Variants in STRN4 observed in about 807,000 individuals in gnomAD.
STRN4 encodes striatin-4.
In STRN4, 27 loss-of-function variants were observed where a neutral mutation model predicts 77.9. The ratio of observed to expected loss-of-function variants is 0.35; its 90% confidence interval spans 0.26 to 0.48. The LOEUF is 0.48. Among genes scored for constraint, STRN4 ranks in the 20% least tolerant of loss-of-function variants. STRN4 has a pLI of 0.99. For missense variants in STRN4, 798 were observed against 1,049.7 expected, an observed-to-expected ratio of 0.76 and a Z score of 3.31; for synonymous variants, 466 against 443.1, an observed-to-expected ratio of 1.05 and a Z score of -0.65.
intron 1 of STRN4, among the ~76,000 whole-genome samples, chr19:46,743,248 A>ACACT (rs1043854270): frequency 6.6e-6 from 1 of 152,224 alleles, no homozygotes; most frequent in East Asian, 1.9e-4. Context: ...GTGTATACAC[A>ACACT]CACTCACACA....
intron 1 of STRN4, among the ~76,000 whole-genome samples, chr19:46,744,166 G>T (rs2054526738): frequency 6.6e-6 from 1 of 152,174 alleles, no homozygotes; most frequent in Non-Finnish European, 1.5e-5. Flanking sequence ...AGCTGGTACC[G>T]TTATTGCTGA....
Position 46,721,864 on chromosome 19 carries a change from G to A in STRN4, c.2092+122C>T, listed in dbSNP as rs143373845. ...CCCTATGGTCACCACGGTCATTCCC[G>A]CCCAGACCAGCCTCCCCCAGCCCTG... is the stretch of plus-strand genomic sequence containing the variant. On this transcript the variant is annotated intron_variant, in intron 16 of 17. Transcript: ENST00000263280. 8.9e-4 allele frequency: 933 copies of A among 1,045,882 alleles called. 7 individuals are homozygous for A. The African/African-American group carries it at 0.012, about 14-fold the overall frequency. 64.8% of individuals were successfully genotyped at this position (1,045,882 alleles called of 1,614,324 possible). A position where few individuals can be genotyped will look rare whatever the true frequency, so the allele number is the denominator to read the frequency against.
rs949521041 is a variant in STRN4, at chr19:46,722,898, G to A, written c.1818C>T (p.Ile606=). Residue 606 remains isoleucine, a synonymous_variant, in exon 14 of 18, where the codon ATC becomes ATT. Transcript: ENST00000263280. ...TGTCGCCAGAGCGGAAGGAGGCCAC[G>A]ATGTGGGCAGGCTCGGTGCTGGTGA... ...VAFTSTEPAH[I]VASFRSGDTV... 2 of 1,614,034 alleles carry A rather than the reference G, an allele frequency of 1.2e-6. No individual in the cohort carries two copies. Among genetic ancestry groups the A allele is most frequent in the South Asian group, 1.1e-5 (1 of 91,088 alleles).
In STRN4 at chr19:46,734,086, G is replaced by A. The variant is rs1008669165; in HGVS notation, c.540-850C>T. On this transcript the variant is annotated intron_variant, in intron 4 of 17. Transcript: ENST00000263280. ...CATGTACGTCTCATCCTGTGCGCCT[G>A]TGTGTGTCTGAGGCTCCTATCTCCC... Among the ~76,000 whole-genome samples, 10 of 152,196 alleles carry A rather than the reference G, an allele frequency of 6.6e-5. No individual in the cohort carries two copies. The South Asian group carries it at 1.4e-3, about 22-fold the overall frequency.
At chr19:46,724,274 A>AAAAAAAAAAAAAAT (rs2054053143) in intron 12 of STRN4, among the ~76,000 whole-genome samples, 1 of 146,918 alleles carries the variant, frequency 6.8e-6, no homozygotes, top group Non-Finnish European at 1.5e-5. Context: ...AAAAAAAAAA[A>AAAAAAAAAAAAAAT]AGGCAGAGAA....
chr19:46,734,101 T>G (rs1460774211), intron 4 of STRN4, among the ~76,000 whole-genome samples: 2 of 152,164 alleles, frequency 1.3e-5, no homozygotes, highest in Non-Finnish European at 2.9e-5. Flanking sequence ...TGTCTGAGGC[T>G]CCTATCTCCC....
chr19:46,733,072 AG>A lies in STRN4; in HGVS notation c.703del (p.Leu235CysfsTer3). On this transcript the variant is annotated frameshift_variant, in exon 5 of 18. Coordinates refer to ENST00000263280, the MANE Select transcript of STRN4 (RefSeq NM_013403.3). LOFTEE classifies it high-confidence loss of function. This position sits in a 1 kb window ranked among gnomAD's most constrained non-coding sequence, Gnocchi z 4.3. ...GPAGLSGGES[L>X]LVKQIEEQIK... ...CTGCTCCTCGATCTGTTTCACCAGC[AG>A]CGACTCCCCACCACTGAGCCCTGCA... The A allele has an allele frequency of 6.2e-7, 1 of 1,613,054 alleles. No homozygotes were observed. Among genetic ancestry groups the A allele is most frequent in the Non-Finnish European group, 8.5e-7 (1 of 1,179,338 alleles).
intron 4 of STRN4, among the ~76,000 whole-genome samples, chr19:46,734,530 C>T (rs1220196397): frequency 6.6e-6 from 1 of 152,094 alleles, no homozygotes; most frequent in Non-Finnish European, 1.5e-5. Context: ...AAGGAACTGA[C>T]CATGGAGAGT....
rs1396523508 is a variant in STRN4, at chr19:46,719,780, T to A, written c.*625A>T. The A allele has an allele frequency of 6.6e-6, 1 of 152,200 alleles. No homozygotes were observed. The highest frequency in any genetic ancestry group is 6.6e-5 in the Admixed American group (1 of 15,262). 9.4% of individuals were successfully genotyped at this position (152,200 alleles called of 1,614,324 possible). A position where few individuals can be genotyped will look rare whatever the true frequency, so the allele number is the denominator to read the frequency against. On this transcript the variant is annotated 3_prime_UTR_variant, in exon 18 of 18. Coordinates refer to ENST00000263280, the MANE Select transcript of STRN4 (RefSeq NM_013403.3). ...GGGGGACCCGAGGCCCACTCCACCC[T>A]CCATGCCCCAGGGAGGGGCACAAGA...
chr19:46,721,877 T>A, intron 16 of STRN4, 109 bp downstream of exon 16: 2 of 1,193,108 alleles, frequency 1.7e-6, no homozygotes, highest in Non-Finnish European at 2.4e-6. Context: ...CAGACCAGCC[T>A]CCCCCAGCCC....
chr19:46,727,713 G>C lies in STRN4; in HGVS notation c.1154-167C>G, dbSNP rs1280015856. ...ACAGCTGGAAAGAGACAGAGAGACA[G>C]ACAGGGCAGGACAGACAAAAAGAGA... On this transcript the variant is annotated intron_variant, in intron 8 of 17. Coordinates refer to ENST00000263280, the MANE Select transcript of STRN4 (RefSeq NM_013403.3). The C allele has an allele frequency of 5.4e-6, 4 of 734,414 alleles. No homozygotes were observed. The East Asian group carries it at 1.1e-4, about 20-fold the overall frequency. 45.5% of individuals were successfully genotyped at this position (734,414 alleles called of 1,614,324 possible). A position where few individuals can be genotyped will look rare whatever the true frequency, so the allele number is the denominator to read the frequency against.
chr19:46,727,659 G>C (rs762735809), intron 8 of STRN4, 113 bp from the exon 9 acceptor site: 1 of 866,952 alleles, frequency 1.2e-6, no homozygotes, highest in Non-Finnish European at 1.8e-6. Context: ...GCAAGAGAGA[G>C]AGACGGGGAG....
chr19:46,744,583 C>T (rs2054539125), intron 1 of STRN4, among the ~76,000 whole-genome samples: 1 of 152,048 alleles, frequency 6.6e-6, no homozygotes, highest in Non-Finnish European at 1.5e-5. Context: ...TGAGGTCTTG[C>T]TATGTTGGCC....
Position 46,738,880 on chromosome 19 carries a change from C to T in STRN4, c.291G>A (p.Val97=), listed in dbSNP as rs1253998824. ...EAERAELQAQ[V]AFLQGERKGQ... ...CTTTCCTCTCTCCCTGAAGGAAGGC[C>T]ACCTGAGCCTGGGAGGGCAGACAGG... Residue 97 remains valine (V), a synonymous_variant, in exon 2 of 18, where the codon GTG becomes GTA. Transcript: ENST00000263280. The surrounding 1 kb of genome is among the most constrained non-coding windows in gnomAD (Gnocchi z 4.5). 1.2e-6 allele frequency: 2 copies of T among 1,613,960 alleles called. No individual in the cohort carries two copies. The highest frequency in any genetic ancestry group is 3.3e-5 in the Admixed American group (2 of 60,014).
In STRN4 at chr19:46,741,373, G is replaced by C. The variant is rs931530153; in HGVS notation, c.283-2485C>G. 6.6e-6 allele frequency among the ~76,000 whole-genome samples: 1 copy of C among 152,194 alleles called. No homozygotes were observed. The highest frequency in any genetic ancestry group is 6.5e-5 in the Admixed American group (1 of 15,276). On this transcript the variant is annotated intron_variant, in intron 1 of 17. Coordinates refer to ENST00000263280, the MANE Select transcript of STRN4 (RefSeq NM_013403.3). This position sits in a 1 kb window ranked among gnomAD's most constrained non-coding sequence, Gnocchi z 4.9. The stretch of plus-strand genomic sequence containing the variant: ...GAGCTGTGGTCTCCCTCCTCCTAAT[G>C]AGGATGTGAGGGTCTCAGCTGCCCA...
chr19:46,728,300 C>T, intron 7 of STRN4: 1 of 589,648 alleles, frequency 1.7e-6, no homozygotes, highest in South Asian at 2.0e-5. Context: ...GCCCTCCCAC[C>T]TGCCTCTCCC....
chr19:46,727,572 T>C, intron 8 of STRN4, 26 bp from the exon 9 acceptor site: 1 of 1,604,846 alleles, frequency 6.2e-7, no homozygotes, highest in Non-Finnish European at 8.5e-7. Flanking sequence ...AGGAACCTGG[T>C]AGGGGGAGGG....
chr19:46,733,317 A>G lies in STRN4; in HGVS notation c.540-81T>C, dbSNP rs1027123316. 17 of 1,420,412 alleles carry G rather than the reference A, an allele frequency of 1.2e-5. No homozygotes were observed. The highest frequency in any genetic ancestry group is 4.0e-5 in the Admixed American group (2 of 50,104). The allele number at this position is 1,420,412 out of a possible 1,614,324, so 88.0% of individuals were successfully genotyped here. On this transcript the variant is annotated intron_variant, in intron 4 of 17. Transcript: ENST00000263280. The surrounding 1 kb of genome is among the most constrained non-coding windows in gnomAD (Gnocchi z 4.3). ...ACAGGGGCCAATGCAAACCGAGACA[A>G]CCTCTTAAGGGGCCACTTAAGAGCA...
In STRN4 at chr19:46,746,395, G is replaced by A. The variant is rs2054619164; in HGVS notation, c.36C>T (p.Ala12=). 2 of 1,074,912 alleles carry A rather than the reference G, an allele frequency of 1.9e-6. No individual in the cohort carries two copies. The highest frequency in any genetic ancestry group is 4.4e-5 in the South Asian group (1 of 22,894). 66.6% of individuals were successfully genotyped at this position (1,074,912 alleles called of 1,614,324 possible). A position where few individuals can be genotyped will look rare whatever the true frequency, so the allele number is the denominator to read the frequency against. The change falls in exon 1 of 18, where the codon GCC becomes GCT. Residue 12 remains alanine (A), a synonymous_variant. Transcript: ENST00000263280. ...MEERAAAAVA[A]AASSCRPLGS... Reference sequence around the variant, plus strand: ...CGAGCGGACGGCAGGAGGAGGCGGCGGCGGCGACCGCGGCGGCCGCTCGCT... The same window carrying A: ...CGAGCGGACGGCAGGAGGAGGCGGCAGCGGCGACCGCGGCGGCCGCTCGCT...
Sources: gnomAD v4.1 joint callset for allele counts (sites outside exome capture counted in the v4.1 genomes callset) on GRCh38, gnomAD v4.1.1 for gene constraint, Gnocchi (gnomAD v3.1) non-coding constraint, MANE v1.5 for transcripts, NCBI Gene and HGNC (gene_info 2026-07-23, HGNC 2026-07-21) for gene names.